TFPI: variants seen among roughly 807,000 people sequenced by gnomAD.
TFPI encodes the protein anti-convertin.
TFPI carries 15 observed loss-of-function variants against 34.6 expected under a neutral mutation model. The ratio of observed to expected loss-of-function variants is 0.43; its 90% CI spans 0.29 to 0.67. The LOEUF is 0.67. Among genes scored for constraint, TFPI ranks in the 30% least tolerant of loss-of-function variants. TFPI has a pLI of 0.15. For missense variants in TFPI, 301 were observed against 364.0 expected (o/e 0.83, Z 1.41); for synonymous variants, 105 against 120.1 (o/e 0.87, Z 0.82).
chr2:187,495,469 A>G (rs1182378802), intron 3 of TFPI, among the ~76,000 whole-genome samples: 2 of 152,220 alleles, frequency 1.3e-5, no homozygotes, highest in East Asian at 1.9e-4. Flanking sequence ...ACCACTGAGG[A>G]CCACTGAGCT....
intron 3 of TFPI, among the ~76,000 whole-genome samples, chr2:187,494,868 A>G (rs1489788922): frequency 1.3e-5 from 2 of 152,094 alleles, no homozygotes; most frequent in Non-Finnish European, 2.9e-5. Context: ...GACTACAGGC[A>G]CATGCCACCA....
chr2:187,529,471 A>C (rs542902212), intron 1 of TFPI: 1 of 152,260 alleles, frequency 6.6e-6, no homozygotes, highest in Admixed American at 6.5e-5. Flanking sequence ...ATGTCCTCAC[A>C]TGGCCTTTCC....
chr2:187,499,661 T>C (rs965254262), intron 2 of TFPI: 1 of 152,128 alleles, frequency 6.6e-6, no homozygotes, highest in African/African-American at 2.4e-5. Context: ...ATGTTTGTTT[T>C]GAAACCAATA....
intron 6 of TFPI, among the ~76,000 whole-genome samples, chr2:187,477,478 G>T (rs577715766): frequency 7.4e-4 from 113 of 152,096 alleles, no homozygotes; most frequent in Middle Eastern, 3.4e-3. Flanking sequence ...TTGTTTGTTC[G>T]TTTTTTAAGA....
intron 1 of TFPI, among the ~76,000 whole-genome samples, chr2:187,529,010 C>T (rs1369195997): frequency 6.6e-6 from 1 of 152,130 alleles, no homozygotes; most frequent in African/African-American, 2.4e-5. Flanking sequence ...TCATTCCAAA[C>T]TATGTTGGTA....
chr2:187,520,127 T>A (rs1485355296), intron 1 of TFPI, among the ~76,000 whole-genome samples: 1 of 152,156 alleles, frequency 6.6e-6, no homozygotes, highest in Non-Finnish European at 1.5e-5. Flanking sequence ...CTTGGCTCCC[T>A]GGCTTCAGCC....
chr2:187,487,662 CCATT>C (rs1693375753), intron 4 of TFPI, among the ~76,000 whole-genome samples: 1 of 129,084 alleles, frequency 7.7e-6, no homozygotes, highest in African/African-American at 3.3e-5. Context: ...TTTCCCTGAT[CCATT>C]GATAACATTT....
chr2:187,550,524 C>T (rs968556376), intron 1 of TFPI, among the ~76,000 whole-genome samples: 2 of 151,852 alleles, frequency 1.3e-5, no homozygotes, highest in South Asian at 2.1e-4. Flanking sequence ...ATACCAACAC[C>T]CAATAAGGTA....
chr2:187,539,744 C>T (rs1450341690), intron 1 of TFPI, among the ~76,000 whole-genome samples: 1 of 151,958 alleles, frequency 6.6e-6, no homozygotes, highest in Non-Finnish European at 1.5e-5. Context: ...CAGACAACAA[C>T]AAAAAAGAAA....
intron 7 of TFPI, 22 bp from the exon 8 acceptor site, chr2:187,467,064 A>G: frequency 7.1e-7 from 1 of 1,400,942 alleles, no homozygotes; most frequent in South Asian, 1.3e-5. Context: ...AGAGGAATAA[A>G]TTAATGTGTG....
At chr2:187,526,014 T>G (rs1241936485) in intron 1 of TFPI, among the ~76,000 whole-genome samples, 1 of 152,144 alleles carries the variant, frequency 6.6e-6, no homozygotes, top group East Asian at 1.9e-4. Flanking sequence ...ACCTACTACA[T>G]AGTATTATGA....
At chr2:187,525,858 CT>C (rs78530843) in intron 1 of TFPI, among the ~76,000 whole-genome samples, 28,372 of 151,930 alleles carry the variant, frequency 0.19, 3,544 homozygotes, top group African/African-American at 0.34. Context: ...ATTTTTAGCA[CT>C]TTGTTATGGC....
Position 187,503,760 on chromosome 2 carries a change from G to A in TFPI, c.9C>T (p.Tyr3=). 1 of 1,612,464 alleles carries A rather than the reference G, an allele frequency of 6.2e-7. No homozygotes were observed. Among genetic ancestry groups the A allele is most frequent in the Non-Finnish European group, 8.5e-7 (1 of 1,178,982 alleles). The part of the protein sequence containing the change: MI[Y]TMKKVHALWA... ...AAAGTGCATGTACTTTCTTCATTGT[G>A]TAAATCATCTCTGAAATACAGAACC... is the stretch of plus-strand genomic sequence containing the variant. The change falls in exon 2 of 8, where the codon TAC becomes TAT. Residue 3 remains tyrosine, a synonymous_variant. Coordinates refer to ENST00000233156, the MANE Select transcript of TFPI (RefSeq NM_006287.6).
chr2:187,534,820 C>G (rs1688153784), intron 1 of TFPI, among the ~76,000 whole-genome samples: 1 of 151,632 alleles, frequency 6.6e-6, no homozygotes, highest in Non-Finnish European at 1.5e-5. Flanking sequence ...ATTCAGGAGT[C>G]CCATGTCACG....
At chr2:187,484,295 T>TA (rs1693096636) in intron 5 of TFPI, 79 bp from the exon 6 acceptor site, 7 of 1,237,602 alleles carry the variant, frequency 5.7e-6, no homozygotes, top group South Asian at 2.8e-5. Flanking sequence ...GTACAACAGT[T>TA]AAAAAAGCAG....
In TFPI at chr2:187,466,702, C is replaced by A; in HGVS notation, c.*234G>T. On this transcript the variant is annotated 3_prime_UTR_variant, in exon 8 of 8. Coordinates refer to ENST00000233156, the MANE Select transcript of TFPI (RefSeq NM_006287.6). ...AGTTAAATGAAAATACAGATAGATC[C>A]AGAAAATAAGTAATTTCCCAGTAGC... 1 of 278,956 alleles carries A rather than the reference C, an allele frequency of 3.6e-6. No homozygotes were observed. The highest frequency in any genetic ancestry group is 6.9e-6 in the Non-Finnish European group (1 of 145,222). The allele number at this position is 278,956 out of a possible 1,614,324, so 17.3% of individuals were successfully genotyped here.
At chr2:187,473,752 A>G (rs1692193887) in intron 6 of TFPI, among the ~76,000 whole-genome samples, 1 of 151,510 alleles carries the variant, frequency 6.6e-6, no homozygotes, top group African/African-American at 2.4e-5. Flanking sequence ...GTGATATTCT[A>G]TAAAGAAAAA....
chr2:187,529,232 AT>A lies in TFPI; in HGVS notation c.-3+24967del, dbSNP rs558597680. The stretch of plus-strand genomic sequence containing the variant: ...TTCCAAACAGCCAATAAGTCTTAGA[AT>A]GGATCTTCACCAGGTAAGAATACAA... On this transcript the variant is annotated intron_variant, in intron 1 of 7. Transcript: ENST00000233156. 24 of 152,334 alleles carry A rather than the reference AT, an allele frequency of 1.6e-4. No individual in the cohort carries two copies. The East Asian group carries it at 4.6e-3, about 29-fold the overall frequency. The allele number at this position is 152,334 out of a possible 1,614,324, so 9.4% of individuals were successfully genotyped here. A position where few individuals can be genotyped will look rare whatever the true frequency, so the allele number is the denominator to read the frequency against.
chr2:187,540,461 A>G (rs1688519012), intron 1 of TFPI, among the ~76,000 whole-genome samples: 1 of 152,222 alleles, frequency 6.6e-6, no homozygotes, highest in Non-Finnish European at 1.5e-5. Flanking sequence ...AAAGTGAAAT[A>G]TCAAAAACTT....
Sources: allele counts gnomAD v4.1 joint callset (sites outside exome capture counted in the v4.1 genomes callset), GRCh38; gene constraint gnomAD v4.1.1; transcripts MANE v1.5; gene names NCBI Gene and HGNC (gene_info 2026-07-23, HGNC 2026-07-21).